Variants in DENND1B observed in about 807,000 individuals in gnomAD.
DENND1B encodes DENN domain containing 1B.
A neutral mutation model predicts 90.1 loss-of-function variants in DENND1B; 59 were observed. The observed-to-expected ratio is 0.65, with a 90% CI of 0.53 to 0.81. The LOEUF (loss-of-function observed/expected upper bound fraction) is 0.81, where lower values mean the gene tolerates loss of function less well. DENND1B is among the 40% of genes least tolerant of loss of function. The pLI is 0.00. For missense variants in DENND1B, 862 were observed against 912.6 expected, an observed-to-expected ratio of 0.94 and a Z score of 0.71; for synonymous variants, 337 against 324.6, an observed-to-expected ratio of 1.04 and a Z score of -0.41.
intron 5 of DENND1B, among the ~76,000 whole-genome samples, chr1:197,662,252 G>C (rs868649364): frequency 6.6e-6 from 1 of 151,908 alleles, no homozygotes; most frequent in Non-Finnish European, 1.5e-5. Context: ...GTCCATCTAG[G>C]GGTTGAGAGC....
At chr1:197,698,377 G>T (rs919846175) in intron 3 of DENND1B, among the ~76,000 whole-genome samples, 2 of 151,942 alleles carry the variant, frequency 1.3e-5, no homozygotes, top group African/African-American at 4.8e-5. Flanking sequence ...AGAACAAAGA[G>T]ACAACATACC....
At chr1:197,740,132 C>A (rs1442918332) in intron 2 of DENND1B, among the ~76,000 whole-genome samples, 1 of 152,140 alleles carries the variant, frequency 6.6e-6, no homozygotes, top group East Asian at 1.9e-4. Context: ...TAAAGTGAGA[C>A]TCACTGACAA....
chr1:197,774,046 AT>A (rs947973243), intron 1 of DENND1B, among the ~76,000 whole-genome samples: 1 of 152,188 alleles, frequency 6.6e-6, no homozygotes, highest in Non-Finnish European at 1.5e-5. Context: ...GCAAATATAC[AT>A]TTTTTTAGCC....
chr1:197,690,295 T>A (rs1012825223), intron 3 of DENND1B: 2 of 214,306 alleles, frequency 9.3e-6, no homozygotes, highest in Admixed American at 4.8e-5. Context: ...CACATGATTA[T>A]CTTGAGCCAA....
At chr1:197,683,660 A>G (rs1053836211) in intron 3 of DENND1B, among the ~76,000 whole-genome samples, 21 of 152,190 alleles carry the variant, frequency 1.4e-4, no homozygotes, top group Admixed American at 1.4e-3. Flanking sequence ...AATGTTACGA[A>G]AGATAAATAT....
At chr1:197,689,052 A>C (rs1446126944) in intron 3 of DENND1B, 1 of 214,492 alleles carries the variant, frequency 4.7e-6, no homozygotes, top group Non-Finnish European at 9.9e-6. Flanking sequence ...GGACACAGAG[A>C]ATTTACCAAA....
intron 20 of DENND1B, among the ~76,000 whole-genome samples, chr1:197,520,021 A>G (rs1668662785): frequency 6.6e-6 from 1 of 151,868 alleles, no homozygotes; most frequent in African/African-American, 2.4e-5. Flanking sequence ...AGAATTTAGT[A>G]GGGGCAGGCA....
At position 197,553,123 on chromosome 1, in the gene DENND1B, A is replaced by G. The variant is rs1671386522; in HGVS notation, c.1150-11T>C. 1 of 1,525,788 alleles carries G rather than the reference A, an allele frequency of 6.6e-7. No homozygotes were observed. The highest frequency in any genetic ancestry group is 1.4e-5 in the African/African-American group (1 of 70,346). The allele number at this position is 1,525,788 out of a possible 1,614,324, so 94.5% of individuals were successfully genotyped here. The stretch of plus-strand genomic sequence containing the variant: ...TCGACCATCGATAAACTAGAATTAA[A>G]AAGTGTCAAATAAAATGTATCAAAT... On this transcript the variant is annotated splice_polypyrimidine_tract_variant and intron_variant, in intron 15 of 22. Coordinates refer to ENST00000620048, the MANE Select transcript of DENND1B (RefSeq NM_001195215.2).
chr1:197,511,649 A>G (rs1668035781), intron 22 of DENND1B, 79 bp downstream of exon 22: 2 of 1,127,314 alleles, frequency 1.8e-6, no homozygotes, highest in African/African-American at 3.2e-5. Flanking sequence ...TCTACCAACA[A>G]AGAGTATAAG....
At chr1:197,723,604 GA>G (rs550747369) in intron 2 of DENND1B, among the ~76,000 whole-genome samples, 3 of 151,908 alleles carry the variant, frequency 2.0e-5, no homozygotes, top group African/African-American at 7.2e-5. Flanking sequence ...AGAACACAGG[GA>G]AAAAAAGTTA....
chr1:197,544,999 GAAGACGACGACGACGACGACGAA>G (rs1386102632), intron 18 of DENND1B, among the ~76,000 whole-genome samples: 15 of 135,246 alleles, frequency 1.1e-4, no homozygotes, highest in South Asian at 4.9e-4. Flanking sequence ...AAGGAAGAAG[GAAGACGACGACGACGACGACGAA>G]AGAAGGAGGA....
intron 6 of DENND1B, among the ~76,000 whole-genome samples, chr1:197,655,188 T>A (rs1653673370): frequency 6.6e-6 from 1 of 152,196 alleles, no homozygotes; most frequent in African/African-American, 2.4e-5. Flanking sequence ...CGTTAAAGCA[T>A]GGGCACACAG....
At chr1:197,672,246 T>C (rs759650189) in intron 4 of DENND1B, 90 bp from the exon 5 acceptor site, 30 of 1,410,770 alleles carry the variant, frequency 2.1e-5, no homozygotes, top group South Asian at 1.5e-4. Context: ...ATATGTGACA[T>C]TGGTTTCATC....
upstream of DENND1B, among the ~76,000 whole-genome samples, chr1:197,779,998 A>G (rs1276490782): frequency 6.6e-6 from 1 of 152,162 alleles, no homozygotes; most frequent in Non-Finnish European, 1.5e-5. Flanking sequence ...GAAGATATTA[A>G]TTTACTGCTG....
chr1:197,649,613 C>G (rs1003543869), intron 7 of DENND1B, among the ~76,000 whole-genome samples: 10 of 152,158 alleles, frequency 6.6e-5, no homozygotes, highest in African/African-American at 2.4e-4. Context: ...AAACATAAAG[C>G]AGAGAAATGA....
intron 3 of DENND1B, among the ~76,000 whole-genome samples, chr1:197,701,550 C>T (rs770048809): frequency 2.8e-4 from 42 of 150,954 alleles, no homozygotes; most frequent in African/African-American, 8.5e-4. Context: ...CCCCCTTCCC[C>T]GGCTTTTTTT....
At chr1:197,721,766 C>A (rs958459868) in intron 2 of DENND1B, among the ~76,000 whole-genome samples, 6 of 151,984 alleles carry the variant, frequency 3.9e-5, no homozygotes, top group Admixed American at 1.3e-4. Flanking sequence ...CCACTTACAG[C>A]AGAAAATAAT....
chr1:197,663,929 T>G (rs1654670377), intron 5 of DENND1B, among the ~76,000 whole-genome samples: 1 of 151,982 alleles, frequency 6.6e-6, no homozygotes. Flanking sequence ...CAATTTTAAC[T>G]ATACTCTAAG....
At chr1:197,583,292 G>A (rs754290653) in intron 14 of DENND1B, 39 bp from the exon 15 acceptor site, 1 of 1,589,862 alleles carries the variant, frequency 6.3e-7, no homozygotes, top group Non-Finnish European at 8.6e-7. Flanking sequence ...TCAATAAAAG[G>A]TTAGTCAGAG....
Sources: allele counts gnomAD v4.1 joint callset (sites outside exome capture counted in the v4.1 genomes callset), GRCh38; gene constraint gnomAD v4.1.1; transcripts MANE v1.5; gene names NCBI Gene and HGNC (gene_info 2026-07-23, HGNC 2026-07-21).